The following MRAP variants were observed in gnomAD, a reference collection of about 807,000 sequenced individuals.
MRAP encodes melanocortin-2 receptor accessory protein.
In MRAP, 8 loss-of-function variants were observed where a neutral mutation model predicts 8.7. The observed-to-expected ratio is 0.92, with a 90% CI of 0.54 to 1.66. MRAP has a LOEUF of 1.66. MRAP is among the 40% of genes most tolerant of loss of function. MRAP has a pLI of 0.00. For missense variants in MRAP, 237 were observed against 217.1 expected (o/e 1.09, Z -0.58); for synonymous variants, 95 against 95.5 (o/e 1.00, Z 0.03).
Position 32,298,930 on chromosome 21 carries a change from C to G in MRAP, c.-42C>G. ...CAGGGGCTTGGCGCCTGGCTCGAGG[C>G]GAGGCTGCCGGCCCGGACGCTGACT... On this transcript the variant is annotated 5_prime_UTR_variant, in exon 1 of 3. Transcript: ENST00000303645. 3 of 1,471,702 alleles carry G rather than the reference C, an allele frequency of 2.0e-6. No individual in the cohort carries two copies. Among genetic ancestry groups the G allele is most frequent in the Non-Finnish European group, 2.8e-6 (3 of 1,053,458 alleles). 91.2% of individuals were successfully genotyped at this position (1,471,702 alleles called of 1,614,324 possible).
At chr21:32,299,999 C>T (rs561043757) in intron 1 of MRAP, among the ~76,000 whole-genome samples, 1 of 152,284 alleles carries the variant, frequency 6.6e-6, no homozygotes, top group South Asian at 2.1e-4. Context: ...AAAACAAAGC[C>T]TGGGAAGATT....
chr21:32,300,513 A>ACGCATCCTC lies in MRAP; in HGVS notation c.106+1436_106+1437insCGCATCCTC, dbSNP rs2032239812. The stretch of plus-strand genomic sequence containing the variant: ...CTATGTCGGATGTGTCACGCATCCT[A>ACGCATCCTC]TGTCACGTCATGCGTCGCATGTCAG... On this transcript the variant is annotated intron_variant, in intron 1 of 2. Transcript: ENST00000303645. 3.5e-5 allele frequency among the ~76,000 whole-genome samples: 5 copies of ACGCATCCTC among 142,062 alleles called. No homozygotes were observed. The South Asian group carries it at 1.1e-3, about 32-fold the overall frequency. 93.2% of individuals were successfully genotyped at this position (142,062 alleles called of 152,430 possible). A position where few individuals can be genotyped will look rare whatever the true frequency, so the allele number is the denominator to read the frequency against.
chr21:32,303,249 G>C (rs1352266180), intron 1 of MRAP, among the ~76,000 whole-genome samples: 1 of 152,138 alleles, frequency 6.6e-6, no homozygotes, highest in Non-Finnish European at 1.5e-5. Context: ...CTCCCAAAGT[G>C]CTGGGATTAC....
chr21:32,314,404 C>G, downstream of MRAP: 1 of 674,286 alleles, frequency 1.5e-6, no homozygotes, highest in Non-Finnish European at 2.7e-6. Context: ...AGGCTGGTTT[C>G]GAACTCCTGA....
rs370073830 is a variant in MRAP, at chr21:32,298,939, C to T, written c.-33C>T. The T allele has an allele frequency of 4.7e-5, 73 of 1,541,706 alleles. No homozygotes were observed. In the Middle Eastern group the frequency reaches 5.1e-4, roughly 11 times the overall value. ...GGCGCCTGGCTCGAGGCGAGGCTGC[C>T]GGCCCGGACGCTGACTGCCCAGTGC... On this transcript the variant is annotated 5_prime_UTR_variant, in exon 1 of 3. Transcript: ENST00000303645.
chr21:32,308,988 G>A (rs1048082994), intron 2 of MRAP, among the ~76,000 whole-genome samples: 20 of 152,180 alleles, frequency 1.3e-4, no homozygotes, highest in South Asian at 2.1e-4. Flanking sequence ...GCCAGGTCCC[G>A]TGAAGAGCCG....
intron 2 of MRAP, among the ~76,000 whole-genome samples, chr21:32,307,097 AT>A (rs2046166952): frequency 6.6e-6 from 1 of 152,216 alleles, no homozygotes; most frequent in African/African-American, 2.4e-5. Flanking sequence ...CAAAAACATC[AT>A]GCTAAGTGAA....
chr21:32,314,590 G>C, downstream of MRAP: 1 of 1,614,212 alleles, frequency 6.2e-7, no homozygotes, highest in Non-Finnish European at 8.5e-7. Context: ...CAGAAGTGCT[G>C]CCTCAAACTC....
intron 1 of MRAP, among the ~76,000 whole-genome samples, chr21:32,305,638 G>A (rs1236191999): frequency 1.3e-5 from 2 of 152,096 alleles, no homozygotes; most frequent in Non-Finnish European, 2.9e-5. Flanking sequence ...CGCAAAAGGC[G>A]CTCAATGAAT....
chr21:32,301,894 A>G (rs1446892546), intron 1 of MRAP, among the ~76,000 whole-genome samples: 2 of 152,256 alleles, frequency 1.3e-5, no homozygotes, highest in African/African-American at 4.8e-5. Context: ...TTCTCTGCAC[A>G]CAATGTAGAA....
chr21:32,293,679 T>C (rs991689587), intron 2 of MRAP, among the ~76,000 whole-genome samples: 5 of 152,206 alleles, frequency 3.3e-5, no homozygotes, highest in Admixed American at 3.3e-4. Context: ...ATCACTAATG[T>C]AATAGAAAAC....
intron 2 of MRAP, among the ~76,000 whole-genome samples, chr21:32,309,530 C>A (rs1279073115): frequency 8.6e-5 from 13 of 151,460 alleles, no homozygotes; most frequent in Non-Finnish European, 1.9e-4. Flanking sequence ...CGGCTCACTG[C>A]AACCTCCACC....
chr21:32,301,101 C>CAT (rs778024655), intron 1 of MRAP, among the ~76,000 whole-genome samples: 7 of 145,368 alleles, frequency 4.8e-5, no homozygotes, highest in Admixed American at 2.0e-4. Context: ...TATATGATAT[C>CAT]ATATATCATA....
intron 2 of MRAP, among the ~76,000 whole-genome samples, chr21:32,309,675 C>G (rs2032507911): frequency 6.7e-6 from 1 of 149,768 alleles, no homozygotes; most frequent in African/African-American, 2.5e-5. Context: ...CAGTCTCAAA[C>G]TCCAGACCTG....
chr21:32,309,966 C>T (rs2032517772), intron 2 of MRAP, among the ~76,000 whole-genome samples: 1 of 151,944 alleles, frequency 6.6e-6, no homozygotes, highest in Non-Finnish European at 1.5e-5. Context: ...TTTTAGAACT[C>T]ACATTCAATT....
intron 1 of MRAP, among the ~76,000 whole-genome samples, chr21:32,300,860 C>T (rs67001164): frequency 0.13 from 19,285 of 150,240 alleles, 1,843 homozygotes; most frequent in African/African-American, 0.26. Context: ...ATGTCAGGGG[C>T]GTCATGCGTC....
intron 2 of MRAP, chr21:32,311,419 C>T: frequency 3.3e-6 from 1 of 304,872 alleles, no homozygotes; most frequent in Non-Finnish European, 6.1e-6. Flanking sequence ...CCCCCCACCC[C>T]CCCCATCCTA....
intron 1 of MRAP, among the ~76,000 whole-genome samples, chr21:32,304,644 A>AAAAC (rs972120979): frequency 1.6e-5 from 1 of 62,220 alleles, no homozygotes; most frequent in Admixed American, 1.4e-4. Flanking sequence ...AAAACAAAAC[A>AAAAC]AAACAAACAA....
chr21:32,312,717 A>C (rs1448701246), downstream of MRAP: 1 of 154,224 alleles, frequency 6.5e-6, no homozygotes, highest in African/African-American at 2.4e-5. Flanking sequence ...CTAGTCCTCT[A>C]GTGCCCAGCA....
Sources: allele counts gnomAD v4.1 joint callset (sites outside exome capture counted in the v4.1 genomes callset), GRCh38; gene constraint gnomAD v4.1.1; transcripts MANE v1.5; gene names NCBI Gene and HGNC (gene_info 2026-07-23, HGNC 2026-07-21).